Variants in LZIC observed in about 807,000 individuals in gnomAD.
LZIC encodes leucine zipper and CTNNBIP1 domain containing, also known as protein LZIC.
A neutral mutation model predicts 25.4 loss-of-function variants in LZIC; 28 were observed. That is an observed-to-expected ratio of 1.10 (90% CI 0.82 to 1.51). LZIC has a LOEUF of 1.51. LZIC is among the 40% of genes most tolerant of loss of function. The pLI is 0.00. For synonymous variants in LZIC, 65 were observed against 70.7 expected, an observed-to-expected ratio of 0.92 and a Z score of 0.40; for missense variants, 170 against 211.1, an observed-to-expected ratio of 0.81 and a Z score of 1.21.
intron 2 of LZIC, among the ~76,000 whole-genome samples, chr1:9,942,196 C>T (rs1388383133): frequency 6.6e-6 from 1 of 152,156 alleles, no homozygotes; most frequent in East Asian, 1.9e-4. Flanking sequence ...GGATTACAGG[C>T]GTGAGTCACC....
downstream of LZIC, among the ~76,000 whole-genome samples, chr1:9,923,518 C>CTTTTT (rs60858066): frequency 4.4e-4 from 33 of 74,168 alleles, 2 homozygotes; most frequent in African/African-American, 1.4e-3. Context: ...CCCAATGCTT[C>CTTTTT]TTTTTTTTTT....
rs571881862 is a variant in LZIC at position 9,929,845 on chromosome 1, G to A, written c.*554C>T. On this transcript the variant is annotated 3_prime_UTR_variant, in exon 8 of 8. Coordinates refer to ENST00000377223, the MANE Select transcript of LZIC (RefSeq NM_032368.5). ...CAAAAGATACTAAACTGGGAGTCAG[G>A]ACACCTGAGTCTTACCCTCAGCTCT... The A allele has an allele frequency of 2.3e-4, 227 of 981,276 alleles. No homozygotes were observed. The African/African-American group carries it at 2.7e-3, about 12-fold the overall frequency. The allele number at this position is 981,276 out of a possible 1,614,324, so 60.8% of individuals were successfully genotyped here.
At chr1:9,923,817 A>G (rs1033569045), downstream of LZIC, among the ~76,000 whole-genome samples, 2 of 151,910 alleles carry the variant, frequency 1.3e-5, no homozygotes, top group Admixed American at 6.6e-5. Context: ...TAATGGCACA[A>G]TCTTGGCTCA....
intron 5 of LZIC, among the ~76,000 whole-genome samples, chr1:9,933,919 A>G (rs1195991717): frequency 1.6e-5 from 1 of 60,856 alleles, no homozygotes; most frequent in Non-Finnish European, 6.0e-5. Context: ...CAACAACAAC[A>G]ACAAAAAAAC....
rs960164054 is a variant in LZIC, at chr1:9,929,925, T to C, written c.*474A>G. 2 of 963,036 alleles carry C rather than the reference T, an allele frequency of 2.1e-6. No individual in the cohort carries two copies. The highest frequency in any genetic ancestry group is 3.5e-5 in the African/African-American group (2 of 56,710). The allele number at this position is 963,036 out of a possible 1,614,324, so 59.7% of individuals were successfully genotyped here. A position where few individuals can be genotyped will look rare whatever the true frequency, so the allele number is the denominator to read the frequency against. ...TCTTTCTGGACCTCAGTTTCCTTGT[T>C]TGTAAAAACAGAAATGATTTCTAAG... On this transcript the variant is annotated 3_prime_UTR_variant, in exon 8 of 8. Coordinates refer to ENST00000377223, the MANE Select transcript of LZIC (RefSeq NM_032368.5).
chr1:9,931,935 G>C lies in LZIC; in HGVS notation c.470C>G (p.Ala157Gly). 7 of 1,613,806 alleles carry C rather than the reference G, an allele frequency of 4.3e-6. No individual in the cohort carries two copies. Among genetic ancestry groups the C allele is most frequent in the Non-Finnish European group, 5.9e-6 (7 of 1,179,874 alleles). ...CTCAAACTGGCTGAGTATAGCACCT[G>C]CATTTGCTGACAAGAAGGCCTCATC... ...ADDEAFLSANAGAILSQFEKV... is the reference protein window; with the variant it reads ...ADDEAFLSANGGAILSQFEKV... Residue 157 changes from alanine (A) to glycine (G), a missense_variant, in exon 7 of 8, where the codon GCA becomes GGA. Coordinates refer to ENST00000377223, the MANE Select transcript of LZIC (RefSeq NM_032368.5).
chr1:9,943,175 G>C, intron 1 of LZIC, 74 bp downstream of exon 1: 1 of 175,532 alleles, frequency 5.7e-6, no homozygotes, highest in Non-Finnish European at 1.3e-5. Context: ...CGCGGCGGCC[G>C]GGCTCCAACA....
chr1:9,931,639 A>G (rs1422856539), intron 7 of LZIC, among the ~76,000 whole-genome samples: 1 of 152,212 alleles, frequency 6.6e-6, no homozygotes, highest in Non-Finnish European at 1.5e-5. Flanking sequence ...CCTGGCCTCA[A>G]GCATATAATT....
At chr1:9,923,398 C>T (rs1414131259), downstream of LZIC, among the ~76,000 whole-genome samples, 2 of 151,738 alleles carry the variant, frequency 1.3e-5, no homozygotes, top group African/African-American at 4.8e-5. Flanking sequence ...TCAGTAGAGA[C>T]AGGGTTTCGC....
intron 1 of LZIC, 142 bp from the exon 2 acceptor site, chr1:9,942,924 C>G: frequency 1.1e-5 from 4 of 354,188 alleles, no homozygotes; most frequent in South Asian, 8.4e-5. Context: ...CTACCGCAGC[C>G]TTTCTGAGTT....
At chr1:9,925,211 A>C (rs1034979341), downstream of LZIC, among the ~76,000 whole-genome samples, 8 of 151,960 alleles carry the variant, frequency 5.3e-5, no homozygotes, top group East Asian at 1.4e-3. Context: ...CTGTAATCCC[A>C]GCTACTCAGG....
At chr1:9,925,906 T>G (rs1639969928), downstream of LZIC, among the ~76,000 whole-genome samples, 1 of 141,552 alleles carries the variant, frequency 7.1e-6, no homozygotes, top group Admixed American at 7.2e-5. Context: ...TTTTTTTTTT[T>G]TTTTTGAGAT....
At position 9,938,585 on chromosome 1, in the gene LZIC, C is replaced by T. The variant is rs553124629; in HGVS notation, c.-8-1958G>A. On this transcript the variant is annotated intron_variant, in intron 2 of 7. Coordinates refer to ENST00000377223, the MANE Select transcript of LZIC (RefSeq NM_032368.5). ...TTGGCTTTTTTGAGACAGGGTCTTG[C>T]TCTGTCACCCAGGCTGGAGTGCAGT... is the stretch of plus-strand genomic sequence containing the variant. Among the ~76,000 whole-genome samples, 108 of 152,320 alleles carry T rather than the reference C, an allele frequency of 7.1e-4. 1 individual carries two copies. The highest frequency in any genetic ancestry group is 3.4e-3 in the Middle Eastern group (1 of 294).
chr1:9,942,521 C>A, intron 2 of LZIC, 103 bp downstream of exon 2: 1 of 381,986 alleles, frequency 2.6e-6, no homozygotes, highest in South Asian at 2.5e-5. Context: ...TCGTTGGCAC[C>A]ACCTAGTAGT....
In LZIC at chr1:9,931,955, C is replaced by T; in HGVS notation, c.450G>A (p.Glu150=). 2.5e-6 allele frequency: 4 copies of T among 1,613,694 alleles called. No individual in the cohort carries two copies. The South Asian group carries it at 4.4e-5, about 18-fold the overall frequency. ...KLGEKLTADD[E]AFLSANAGAI... is the part of the protein sequence containing the mutation. The stretch of plus-strand genomic sequence containing the variant: ...CACCTGCATTTGCTGACAAGAAGGC[C>T]TCATCATCTGCAGTCAGCTAAACAA... Residue 150 remains glutamate, a synonymous_variant, in exon 7 of 8, where the codon GAG becomes GAA. Coordinates refer to ENST00000377223, the MANE Select transcript of LZIC (RefSeq NM_032368.5).
intron 2 of LZIC, among the ~76,000 whole-genome samples, chr1:9,940,427 C>A (rs1640662366): frequency 6.6e-6 from 1 of 152,120 alleles, no homozygotes; most frequent in South Asian, 2.1e-4. Flanking sequence ...GATCCGCCCA[C>A]CTCAGCCTCC....
At chr1:9,940,121 A>AAAAAAAC (rs149841286) in intron 2 of LZIC, among the ~76,000 whole-genome samples, 1 of 151,874 alleles carries the variant, frequency 6.6e-6, no homozygotes, top group Non-Finnish European at 1.5e-5. Context: ...TCCTACTCAA[A>AAAAAAAC]AAAAAACAAA....
At position 9,930,139 on chromosome 1, in the gene LZIC, A is replaced by C. The variant is rs1640146618; in HGVS notation, c.*260T>G. 1 of 1,221,614 alleles carries C rather than the reference A, an allele frequency of 8.2e-7. No homozygotes were observed. The allele number at this position is 1,221,614 out of a possible 1,614,324, so 75.7% of individuals were successfully genotyped here. On this transcript the variant is annotated 3_prime_UTR_variant, in exon 8 of 8. Coordinates refer to ENST00000377223, the MANE Select transcript of LZIC (RefSeq NM_032368.5). ...CAAGTCCACTTTGTTTTCTCTCTTAAACAGACAAATCATAACGAACAGAGT... is the reference window on the plus strand; with the variant it reads ...CAAGTCCACTTTGTTTTCTCTCTTACACAGACAAATCATAACGAACAGAGT...
At chr1:9,942,020 A>C (rs1457591843) in intron 2 of LZIC, among the ~76,000 whole-genome samples, 1 of 151,132 alleles carries the variant, frequency 6.6e-6, no homozygotes, top group African/African-American at 2.4e-5. Context: ...GGGTTCAAGC[A>C]ATTCTCCTGC....
Sources: allele counts gnomAD v4.1 joint callset (sites outside exome capture counted in the v4.1 genomes callset), GRCh38; gene constraint gnomAD v4.1.1; transcripts MANE v1.5; gene names NCBI Gene and HGNC (gene_info 2026-07-23, HGNC 2026-07-21).